The following ANKAR variants were observed in gnomAD, a reference collection of about 807,000 sequenced individuals.
The protein encoded by ANKAR is ankyrin and armadillo repeat-containing protein.
Under a neutral mutation model 146.2 loss-of-function variants are expected in ANKAR, and 136 were observed. The observed-to-expected ratio is 0.93, with a 90% CI of 0.81 to 1.07. ANKAR has a LOEUF of 1.07. Among genes scored for constraint, ANKAR ranks in the 50% least tolerant of loss-of-function variants. ANKAR has a pLI of 0.00. For missense variants in ANKAR, 1,567 were observed against 1,679.9 expected, an observed-to-expected ratio of 0.93 and a Z score of 1.18; for synonymous variants, 500 against 575.8, an observed-to-expected ratio of 0.87 and a Z score of 1.88.
chr2:189,761,280 G>T, downstream of ANKAR: 1 of 825,610 alleles, frequency 1.2e-6, no homozygotes, highest in Non-Finnish European at 1.8e-6. Context: ...AGTGTTTGAG[G>T]TTTTCTATAG....
chr2:189,711,415 A>T (rs185355396), intron 10 of ANKAR, among the ~76,000 whole-genome samples: 1 of 152,348 alleles, frequency 6.6e-6, no homozygotes, highest in African/African-American at 2.4e-5. Flanking sequence ...GTTAATTTAA[A>T]TGTTAAATTA....
chr2:189,718,174 T>C (rs1330583822), intron 10 of ANKAR, among the ~76,000 whole-genome samples: 4 of 152,204 alleles, frequency 2.6e-5, no homozygotes, highest in Non-Finnish European at 5.9e-5. Flanking sequence ...AATGTTCAGT[T>C]GGGCATGGTG....
chr2:189,703,726 A>G (rs948175189), intron 7 of ANKAR, among the ~76,000 whole-genome samples: 9 of 152,238 alleles, frequency 5.9e-5, no homozygotes, highest in Non-Finnish European at 8.8e-5. Flanking sequence ...AGAAGGTTCC[A>G]AAGGAGACTG....
At chr2:189,696,010 T>C (rs943664611) in intron 6 of ANKAR, 140 bp from the exon 7 acceptor site, 15 of 668,180 alleles carry the variant, frequency 2.2e-5, no homozygotes, top group Admixed American at 6.2e-5. Flanking sequence ...TAAGAAACTT[T>C]CCATGCATGG....
intron 7 of ANKAR, among the ~76,000 whole-genome samples, chr2:189,702,862 C>T (rs1294806695): frequency 6.6e-6 from 1 of 152,020 alleles, no homozygotes; most frequent in Non-Finnish European, 1.5e-5. Flanking sequence ...TAGGAGTTAG[C>T]TAGATCGGTA....
rs770624772 is a variant in ANKAR at position 189,737,834 on chromosome 2, C to T, written c.3575C>T (p.Ala1192Val). The T allele has an allele frequency of 3.2e-6, 5 of 1,549,686 alleles. No homozygotes were observed. In the South Asian group the frequency reaches 3.7e-5, roughly 12 times the overall value. Reference sequence around the variant, plus strand: ...GTTGAAACTGAGAAGGCAATGGCAGCATTTCAGGTATAAAATTGAGATTAA... The same window carrying T: ...GTTGAAACTGAGAAGGCAATGGCAGTATTTCAGGTATAAAATTGAGATTAA... ...STVETEKAMA[A>V]FQIVVLAKVI... is the part of the protein sequence containing the mutation. Residue 1192 changes from alanine to valine, a missense_variant, in exon 18 of 23, where the codon GCA becomes GTA. Physicochemically the swap from Ala to Val is moderately conservative, Grantham distance 64. Transcript: ENST00000684021.
chr2:189,724,969 TA>T (rs2041705115), intron 12 of ANKAR, among the ~76,000 whole-genome samples: 1 of 152,202 alleles, frequency 6.6e-6, no homozygotes, highest in African/African-American at 2.4e-5. Context: ...CAGTGCATTA[TA>T]TACCATCTTT....
chr2:189,711,282 A>C, intron 10 of ANKAR, 129 bp downstream of exon 10: 2 of 618,580 alleles, frequency 3.2e-6, no homozygotes, highest in Non-Finnish European at 5.3e-6. Context: ...TTCTTTTGCT[A>C]AGATCACTTC....
downstream of ANKAR, chr2:189,746,722 C>T (rs2044213389): frequency 1.3e-5 from 17 of 1,300,042 alleles, no homozygotes; most frequent in South Asian, 1.2e-4. Context: ...ACTGAATAAT[C>T]TTTTTGAATG....
intron 5 of ANKAR, among the ~76,000 whole-genome samples, chr2:189,694,314 CAG>C (rs879791421): frequency 5.9e-5 from 9 of 152,132 alleles, no homozygotes; most frequent in Admixed American, 5.9e-4. Context: ...GTCCCACTGA[CAG>C]AGGTAGGTCA....
At position 189,728,655 on chromosome 2, in the gene ANKAR, A is replaced by G. The variant is rs200105712; in HGVS notation, c.3032-5A>G. On this transcript the variant is annotated splice_region_variant and splice_polypyrimidine_tract_variant and intron_variant, in intron 14 of 22. Transcript: ENST00000684021. ...TCATACATGTATCTTGCTTTTCTTTATCAGGAGGTGAAGCTGTCATAGCTC... is the reference window on the plus strand; with the variant it reads ...TCATACATGTATCTTGCTTTTCTTTGTCAGGAGGTGAAGCTGTCATAGCTC... 1.3e-4 allele frequency: 208 copies of G among 1,612,758 alleles called. No homozygotes were observed. The highest frequency in any genetic ancestry group is 3.3e-4 in the Middle Eastern group (2 of 6,070).
intron 4 of ANKAR, chr2:189,692,747 A>T (rs760452227): frequency 3.5e-5 from 9 of 257,694 alleles, no homozygotes; most frequent in Non-Finnish European, 6.5e-5. Flanking sequence ...CTCAGTACAC[A>T]TTCTTCCATT....
chr2:189,726,604 G>T (rs1051176252), intron 12 of ANKAR, among the ~76,000 whole-genome samples: 2 of 151,992 alleles, frequency 1.3e-5, no homozygotes, highest in Non-Finnish European at 2.9e-5. Flanking sequence ...CCTGAGAAAA[G>T]GTTCCAGATA....
intron 3 of ANKAR, among the ~76,000 whole-genome samples, chr2:189,691,417 A>C (rs1234821368): frequency 6.6e-6 from 1 of 152,114 alleles, no homozygotes; most frequent in Non-Finnish European, 1.5e-5. Context: ...GAAATATGGG[A>C]TGGTTATTTT....
At position 189,674,698 on chromosome 2, in the gene ANKAR, C is replaced by T. The variant is rs2033224375; in HGVS notation, c.-168C>T. On this transcript the variant is annotated 5_prime_UTR_variant, in exon 1 of 23. Coordinates refer to ENST00000684021, the MANE Select transcript of ANKAR (RefSeq NM_001378068.1). ...TCCTTCCGGTGCGCCTCCCGCTCGC[C>T]CTTGCGGAGGCCCTGAGGGCGGATT... The T allele has an allele frequency of 6.6e-6, 1 of 152,296 alleles. No homozygotes were observed. The highest frequency in any genetic ancestry group is 2.4e-5 in the African/African-American group (1 of 41,472). 9.4% of individuals were successfully genotyped at this position (152,296 alleles called of 1,614,324 possible). A position where few individuals can be genotyped will look rare whatever the true frequency, so the allele number is the denominator to read the frequency against.
chr2:189,679,551 G>A (rs1251620957), intron 2 of ANKAR, among the ~76,000 whole-genome samples: 1 of 152,176 alleles, frequency 6.6e-6, no homozygotes, highest in African/African-American at 2.4e-5. Flanking sequence ...AGTTCTTAGG[G>A]GAAGTGCTTT....
chr2:189,724,440 A>T (rs1054546553), intron 12 of ANKAR, among the ~76,000 whole-genome samples: 10 of 152,024 alleles, frequency 6.6e-5, no homozygotes, highest in African/African-American at 2.4e-4. Context: ...TTTCTCTGAT[A>T]TTACTCTCAA....
chr2:189,727,757 A>T (rs2042034054), intron 12 of ANKAR, 99 bp from the exon 13 acceptor site: 1 of 1,393,116 alleles, frequency 7.2e-7, no homozygotes, highest in Non-Finnish European at 9.6e-7. Context: ...AGCTTTTTAT[A>T]AATTTGATTT....
At position 189,738,697 on chromosome 2, in the gene ANKAR, G is replaced by A; in HGVS notation, c.3700+15G>A. The A allele has an allele frequency of 6.7e-7, 1 of 1,489,348 alleles. No homozygotes were observed. The highest frequency in any genetic ancestry group is 9.2e-7 in the Non-Finnish European group (1 of 1,084,192). 92.3% of individuals were successfully genotyped at this position (1,489,348 alleles called of 1,614,324 possible). A position where few individuals can be genotyped will look rare whatever the true frequency, so the allele number is the denominator to read the frequency against. Reference sequence around the variant, plus strand: ...TGTCTTGACAGGTAAGAAATGACTAGAAGTTAATTTTAGCCACATAAAACT... The same window carrying A: ...TGTCTTGACAGGTAAGAAATGACTAAAAGTTAATTTTAGCCACATAAAACT... On this transcript the variant is annotated intron_variant, in intron 19 of 22. Coordinates refer to ENST00000684021, the MANE Select transcript of ANKAR (RefSeq NM_001378068.1).
Sources: gnomAD v4.1 joint callset for allele counts (sites outside exome capture counted in the v4.1 genomes callset) on GRCh38, gnomAD v4.1.1 for gene constraint, MANE v1.5 for transcripts, NCBI Gene and HGNC (gene_info 2026-07-23, HGNC 2026-07-21) for gene names.